Variants in ZNF235 observed in about 807,000 individuals in gnomAD.
ZNF235 encodes zinc finger protein 235.
Under a neutral mutation model 29.4 loss-of-function variants are expected in ZNF235, and 25 were observed. The observed-to-expected ratio is 0.85, with a 90% CI of 0.62 to 1.19. ZNF235 has a LOEUF of 1.19. Ranked by LOEUF, ZNF235 falls within the 50% of genes most tolerant of loss-of-function variation. The pLI is 0.00. For synonymous variants in ZNF235, 300 were observed against 295.3 expected (o/e 1.02, Z -0.16); for missense variants, 788 against 885.0 (o/e 0.89, Z 1.39).
rs146965106 is a variant in ZNF235 at position 44,287,661 on chromosome 19, C to T, written c.1774G>A (p.Val592Ile). 62 of 1,613,590 alleles carry T rather than the reference C, an allele frequency of 3.8e-5. No individual in the cohort carries two copies. The South Asian group carries it at 4.1e-4, about 11-fold the overall frequency. The change falls in exon 5 of 5, where the codon GTC becomes ATC. Residue 592 changes from valine (V) to isoleucine (I), a missense_variant. Coordinates refer to ENST00000291182, the MANE Select transcript of ZNF235 (RefSeq NM_004234.4). The stretch of plus-strand genomic sequence containing the variant: ...TTGAATGGTTTTTCCCCAGTGTGGA[C>T]GCTCTGATGGGCTTGAAGATTTGAA... Reference protein sequence around the residue: ...QASNLQAHQSVHTGEKPFKCD... With the variant: ...QASNLQAHQSIHTGEKPFKCD...
intron 4 of ZNF235, chr19:44,289,412 C>G: frequency 1.9e-6 from 1 of 514,498 alleles, no homozygotes; most frequent in Admixed American, 3.6e-5. Context: ...TTGAGATCAG[C>G]CCAGGGTATG....
At position 44,299,530 on chromosome 19, in the gene ZNF235, G is replaced by A. The variant is rs111798495; in HGVS notation, c.142+76C>T. On this transcript the variant is annotated intron_variant, in intron 3 of 4. Transcript: ENST00000291182. ...ACACAGGATAGCCTGATACAACACA[G>A]AATTATCTGGCCCAAAACATCAATG... is the stretch of plus-strand genomic sequence containing the variant. The A allele has an allele frequency of 3.6e-4, 574 of 1,575,272 alleles. 4 individuals carry two copies. In the African/African-American group the frequency reaches 7.2e-3, roughly 20 times the overall value.
chr19:44,287,389 G>T lies in ZNF235; in HGVS notation c.2046C>A (p.Pro682=). ...AHQRVHTGEK[P]YTCQQCGKGF... is the part of the protein sequence containing the mutation. The stretch of plus-strand genomic sequence containing the variant: ...CCTTCCCACACTGCTGACACGTATA[G>T]GGTTTCTCTCCTGTGTGGACCCTCT... The change falls in exon 5 of 5, where the codon CCC becomes CCA. Residue 682 remains proline, a synonymous_variant. Coordinates refer to ENST00000291182, the MANE Select transcript of ZNF235 (RefSeq NM_004234.4). The T allele has an allele frequency of 6.2e-7, 1 of 1,613,056 alleles. No individual in the cohort carries two copies. The highest frequency in any genetic ancestry group is 1.1e-5 in the South Asian group (1 of 90,942).
chr19:44,304,823 A>G (rs1230467085), intron 1 of ZNF235, 148 bp downstream of exon 1: 9 of 985,340 alleles, frequency 9.1e-6, no homozygotes, highest in Non-Finnish European at 1.1e-5. Context: ...GGTTCTGCCG[A>G]GGGGACGCAA....
chr19:44,296,561 C>T (rs117894755), intron 4 of ZNF235, among the ~76,000 whole-genome samples: 2,252 of 152,230 alleles, frequency 0.015, 20 homozygotes, highest in Non-Finnish European at 0.024. Flanking sequence ...TAGATGATAT[C>T]TTAACAAAGG....
In ZNF235 at chr19:44,288,771, G is replaced by A. The variant is rs1975540105; in HGVS notation, c.664C>T (p.His222Tyr). Residue 222 changes from histidine (H) to tyrosine (Y), a missense_variant, in exon 5 of 5, where the codon CAC becomes TAC. By Grantham distance (83) the His-to-Tyr change is moderately conservative (BLOSUM62 2). Transcript: ENST00000291182. ...PYVDIFSCISHHHDDNIVHKR... is the reference protein window; with the variant it reads ...PYVDIFSCISYHHDDNIVHKR... ...TGCACTATATTATCATCATGGTGGT[G>A]TGAAATACAACTGAAAATGTCAACA... 3.7e-6 allele frequency: 6 copies of A among 1,613,914 alleles called. No homozygotes were observed. In the Admixed American group the frequency reaches 5.0e-5, roughly 13 times the overall value.
At chr19:44,292,184 T>A (rs1418934575) in intron 4 of ZNF235, among the ~76,000 whole-genome samples, 1 of 151,916 alleles carries the variant, frequency 6.6e-6, no homozygotes, top group African/African-American at 2.4e-5. Flanking sequence ...ATTACTGAAG[T>A]TCTAGTCAGT....
chr19:44,297,705 C>T lies in ZNF235; in HGVS notation c.238+1103G>A, dbSNP rs953657475. 1.1e-4 allele frequency among the ~76,000 whole-genome samples: 16 copies of T among 152,254 alleles called. No individual in the cohort carries two copies. In the East Asian group the frequency reaches 1.4e-3, roughly 13 times the overall value. ...CTCGAACTCCCGACCTCAGGTGATCCGCCCACCTTGTCCTCCCAAAGTGCT... is the reference window on the plus strand; with the variant it reads ...CTCGAACTCCCGACCTCAGGTGATCTGCCCACCTTGTCCTCCCAAAGTGCT... On this transcript the variant is annotated intron_variant, in intron 4 of 4. Coordinates refer to ENST00000291182, the MANE Select transcript of ZNF235 (RefSeq NM_004234.4).
chr19:44,304,995 G>A lies in ZNF235; in HGVS notation c.-73C>T. ...CCTCCCTGGGAGATATCTCAGATCCGACCTCGCCTTCCTGGAGCGGAAGTG... is the reference window on the plus strand; with the variant it reads ...CCTCCCTGGGAGATATCTCAGATCCAACCTCGCCTTCCTGGAGCGGAAGTG... On this transcript the variant is annotated 5_prime_UTR_variant, in exon 1 of 5. Coordinates refer to ENST00000291182, the MANE Select transcript of ZNF235 (RefSeq NM_004234.4). 3 of 965,544 alleles carry A rather than the reference G, an allele frequency of 3.1e-6. No individual in the cohort carries two copies. Among genetic ancestry groups the A allele is most frequent in the Non-Finnish European group, 3.7e-6 (3 of 811,780 alleles). The allele number at this position is 965,544 out of a possible 1,614,324, so 59.8% of individuals were successfully genotyped here.
intron 4 of ZNF235, chr19:44,289,849 T>C (rs1353016887): frequency 6.6e-6 from 1 of 152,234 alleles, no homozygotes; most frequent in Non-Finnish European, 1.5e-5. Context: ...TAGGCTCTCA[T>C]TATACAACCT....
chr19:44,297,686 C>T (rs1330621238), intron 4 of ZNF235, among the ~76,000 whole-genome samples: 1 of 152,124 alleles, frequency 6.6e-6, no homozygotes, highest in Non-Finnish European at 1.5e-5. Context: ...TGGTCTCGAA[C>T]TCCCGACCTC....
chr19:44,304,455 G>GCCCCA (rs1975801194), intron 1 of ZNF235, among the ~76,000 whole-genome samples: 1 of 152,182 alleles, frequency 6.6e-6, no homozygotes. Context: ...CCCACATCAG[G>GCCCCA]CAAGGATTAG....
At chr19:44,293,382 C>T (rs1377712294) in intron 4 of ZNF235, among the ~76,000 whole-genome samples, 1 of 151,814 alleles carries the variant, frequency 6.6e-6, no homozygotes, top group Admixed American at 6.6e-5. Context: ...AATAAGATAA[C>T]AATCCTAAGT....
intron 4 of ZNF235, among the ~76,000 whole-genome samples, chr19:44,293,463 C>T (rs1975612264): frequency 6.6e-6 from 1 of 151,866 alleles, no homozygotes; most frequent in African/African-American, 2.4e-5. Context: ...AAATACACAG[C>T]AATACAATAA....
At chr19:44,302,511 T>C (rs1179876486) in intron 2 of ZNF235, among the ~76,000 whole-genome samples, 1 of 151,886 alleles carries the variant, frequency 6.6e-6, no homozygotes, top group Non-Finnish European at 1.5e-5. Context: ...ATTTAAAAAA[T>C]ATATCTGTTA....
chr19:44,303,125 A>G (rs550153062), intron 2 of ZNF235, among the ~76,000 whole-genome samples: 2 of 143,264 alleles, frequency 1.4e-5, no homozygotes, highest in African/African-American at 2.6e-5. Flanking sequence ...AAATATATAC[A>G]TATATATTTG....
intron 4 of ZNF235, chr19:44,290,792 G>A (rs1016392522): frequency 2.6e-5 from 4 of 153,748 alleles, no homozygotes; most frequent in African/African-American, 9.7e-5. Flanking sequence ...CAGGGAACTG[G>A]GGACTGAAGA....
At position 44,304,146 on chromosome 19, in the gene ZNF235, T is replaced by C. The variant is rs563055199; in HGVS notation, c.-48-694A>G. Among the ~76,000 whole-genome samples the C allele has an allele frequency of 3.3e-5, 5 of 152,336 alleles. No individual in the cohort carries two copies. In the South Asian group the frequency reaches 1.0e-3, roughly 32 times the overall value. On this transcript the variant is annotated intron_variant, in intron 1 of 4. Coordinates refer to ENST00000291182, the MANE Select transcript of ZNF235 (RefSeq NM_004234.4). ...AGATGTAATTACTTGCAAATGTTAC[T>C]AAGCTGGAGGAGCCTCAAGAAAGTC...
intron 2 of ZNF235, 22 bp from the exon 3 acceptor site, chr19:44,299,754 A>T: frequency 3.1e-6 from 5 of 1,613,188 alleles, no homozygotes; most frequent in Non-Finnish European, 1.7e-6. Flanking sequence ...AGCACATGTA[A>T]CCTCAATCTC....
Sources: allele counts gnomAD v4.1 joint callset (sites outside exome capture counted in the v4.1 genomes callset), GRCh38; gene constraint gnomAD v4.1.1; transcripts MANE v1.5; gene names NCBI Gene and HGNC (gene_info 2026-07-23, HGNC 2026-07-21).